MDN1: variants seen among roughly 807,000 people sequenced by gnomAD.
MDN1 encodes the protein midasin.
In MDN1, 266 loss-of-function variants were observed where a neutral mutation model predicts 669.2. The observed-to-expected ratio is 0.40, with a 90% CI of 0.36 to 0.44. MDN1 has a LOEUF of 0.44. MDN1 is among the 20% of genes least tolerant of loss of function. The pLI is 1.00. For missense variants in MDN1, 5,940 were observed against 6,754.0 expected (o/e 0.88, Z 4.22); for synonymous variants, 2,385 against 2,457.1 (o/e 0.97, Z 0.87).
At chr6:89,722,169 C>T (rs1814872209) in intron 40 of MDN1, among the ~76,000 whole-genome samples, 1 of 152,180 alleles carries the variant, frequency 6.6e-6, no homozygotes, top group African/African-American at 2.4e-5. Context: ...ATTACAATTC[C>T]TTACAGTGGG....
chr6:89,698,066 T>C (rs1216788819), intron 59 of MDN1, among the ~76,000 whole-genome samples: 1 of 152,164 alleles, frequency 6.6e-6, no homozygotes, highest in Non-Finnish European at 1.5e-5. Flanking sequence ...AGCAAGCAGA[T>C]GAACAGGTCC....
In MDN1 at chr6:89,793,950, A is replaced by G; in HGVS notation, c.667T>C (p.Leu223=). Residue 223 remains leucine, a synonymous_variant, in exon 5 of 102, where the codon TTA becomes CTA. Transcript: ENST00000369393. ...AAGTCCTGCAACTGGGCCTCTTCTA[A>G]TAACCTGAGAGAAAGGAGAGTCTCG... The part of the protein sequence containing the change: ...DELIHFRLRL[L]EEAQLQDLEK... 1 of 1,611,512 alleles carries G rather than the reference A, an allele frequency of 6.2e-7. No homozygotes were observed. Among genetic ancestry groups the G allele is most frequent in the South Asian group, 1.1e-5 (1 of 90,946 alleles).
chr6:89,712,690 C>A lies in MDN1; in HGVS notation c.7315G>T (p.Val2439Leu), dbSNP rs746182110. 6.2e-6 allele frequency: 10 copies of A among 1,614,078 alleles called. No individual in the cohort carries two copies. The highest frequency in any genetic ancestry group is 1.6e-4 in the Middle Eastern group (1 of 6,062). Residue 2439 changes from valine to leucine, a missense_variant, in exon 48 of 102, where the codon GTG (valine) becomes TTG (leucine). Val to Leu is a conservative substitution (Grantham distance 32, BLOSUM62 1). Coordinates refer to ENST00000369393, the MANE Select transcript of MDN1 (RefSeq NM_014611.3). ...TCAGTAGCAAAGAGAGCTGAGGGCA[C>A]AGAATCTGGCCACAGTCCCATGCCA... ...ILGMGLWPDS[V>L]PSALFATEDS...
At chr6:89,697,228 G>A (rs934779779) in intron 59 of MDN1, among the ~76,000 whole-genome samples, 8 of 152,272 alleles carry the variant, frequency 5.3e-5, no homozygotes, top group East Asian at 1.9e-4. Context: ...TTATTACATC[G>A]CTTTTGGATC....
At chr6:89,808,925 A>G (rs777792524) in intron 1 of MDN1, among the ~76,000 whole-genome samples, 1 of 152,180 alleles carries the variant, frequency 6.6e-6, no homozygotes, top group Admixed American at 6.5e-5. Flanking sequence ...GAACAAAAGT[A>G]TATGTATTTG....
At position 89,740,010 on chromosome 6, in the gene MDN1, C is replaced by T. The variant is rs117117745; in HGVS notation, c.4593+224G>A. Among the ~76,000 whole-genome samples the T allele has an allele frequency of 5.9e-5, 9 of 152,328 alleles. No individual in the cohort carries two copies. The East Asian group carries it at 1.5e-3, about 26-fold the overall frequency. On this transcript the variant is annotated intron_variant, in intron 32 of 101. Transcript: ENST00000369393. ...CTAGGCAAAGTGACTGTAACAATGACATTTCAGGCACATACACAAAGTGAG... is the reference window on the plus strand; with the variant it reads ...CTAGGCAAAGTGACTGTAACAATGATATTTCAGGCACATACACAAAGTGAG...
At chr6:89,660,985 C>G (rs1310153978) in intron 88 of MDN1, among the ~76,000 whole-genome samples, 4 of 152,184 alleles carry the variant, frequency 2.6e-5, no homozygotes, top group Non-Finnish European at 5.9e-5. Context: ...TGCGATTTCT[C>G]TTGGGATTAT....
rs199615065 is a variant in MDN1, at chr6:89,673,305, C to T, written c.13405G>A (p.Glu4469Lys). 42 of 1,614,174 alleles carry T rather than the reference C, an allele frequency of 2.6e-5. No homozygotes were observed. The East Asian group carries it at 9.4e-4, about 36-fold the overall frequency. The change falls in exon 80 of 102, where the codon GAA (glutamate) becomes AAA (lysine). Residue 4469 changes from glutamate (E) to lysine (K), a missense_variant. By Grantham distance (56) the Glu-to-Lys change is moderately conservative (BLOSUM62 1). This residue lies in a region of MDN1 where 2,280 missense variants were observed against 2,576.3 expected (regional missense o/e 0.88). Coordinates refer to ENST00000369393, the MANE Select transcript of MDN1 (RefSeq NM_014611.3). ...AAGTCAGCCATGGCTTTACTAATTT[C>T]TCCTCTTACATATTCCAGACTTTCA... ...LVESLEYVRGEISKAMADFTT... is the reference protein window; with the variant it reads ...LVESLEYVRGKISKAMADFTT...
chr6:89,813,101 C>T (rs975140401), intron 1 of MDN1, among the ~76,000 whole-genome samples: 4 of 152,158 alleles, frequency 2.6e-5, no homozygotes, highest in Non-Finnish European at 5.9e-5. Context: ...CCACCACGCC[C>T]GGCTAATTTC....
chr6:89,802,777 A>G (rs979529563), intron 2 of MDN1, among the ~76,000 whole-genome samples: 2 of 152,162 alleles, frequency 1.3e-5, no homozygotes, highest in African/African-American at 4.8e-5. Context: ...AATCTTTTCA[A>G]TTTAAAAACC....
chr6:89,690,837 GAA>G lies in MDN1; in HGVS notation c.10588-5_10588-4del. The G allele has an allele frequency of 6.2e-7, 1 of 1,613,582 alleles. No homozygotes were observed. The highest frequency in any genetic ancestry group is 8.5e-7 in the Non-Finnish European group (1 of 1,179,802). On this transcript the variant is annotated splice_polypyrimidine_tract_variant and splice_region_variant and intron_variant, in intron 63 of 101. Transcript: ENST00000369393. ...TCATCCCACTCACTGATGATTTCCTGAAAGTCACACAGACAGAAAGAAGCTGA... is the reference window on the plus strand; with the variant it reads ...TCATCCCACTCACTGATGATTTCCTGAGTCACACAGACAGAAAGAAGCTGA...
rs552967003 is a variant in MDN1, at chr6:89,689,986, C to T, written c.10907G>A (p.Arg3636Gln). Residue 3636 changes from arginine to glutamine, a missense_variant, in exon 65 of 102, where the codon CGA (arginine) becomes CAA (glutamine). By Grantham distance (43) the Arg-to-Gln change is conservative. This residue lies in a region of MDN1 where 2,280 missense variants were observed against 2,576.3 expected (regional missense o/e 0.88). Coordinates refer to ENST00000369393, the MANE Select transcript of MDN1 (RefSeq NM_014611.3). ...IHQQLCLNFA[R>Q]SLWYQQTLPP... ...CAGAGTCTGTTGATACCAGAGGGAT[C>T]GAGCAAAGTTGAGACACAATTGCTG... 5.6e-6 allele frequency: 9 copies of T among 1,614,164 alleles called. No homozygotes were observed. In the Admixed American group the frequency reaches 6.7e-5, roughly 12 times the overall value.
intron 29 of MDN1, among the ~76,000 whole-genome samples, chr6:89,744,697 C>G (rs1200628392): frequency 1.3e-5 from 2 of 151,976 alleles, no homozygotes; most frequent in Non-Finnish European, 2.9e-5. Context: ...ACCACCACAA[C>G]CAGCTGAGAC....
intron 91 of MDN1, among the ~76,000 whole-genome samples, chr6:89,656,430 G>C (rs1809305724): frequency 6.6e-6 from 1 of 152,034 alleles, no homozygotes. Context: ...GTTTGTGCTG[G>C]GCAGCCGCAC....
chr6:89,756,489 A>G (rs1817252871), intron 19 of MDN1, 99 bp from the exon 20 acceptor site: 1 of 596,468 alleles, frequency 1.7e-6, no homozygotes, highest in Non-Finnish European at 2.9e-6. Context: ...AGCTCATTTT[A>G]ACTGCTTGTA....
intron 60 of MDN1, 76 bp from the exon 61 acceptor site, chr6:89,696,068 C>G: frequency 6.7e-7 from 1 of 1,496,754 alleles, no homozygotes; most frequent in African/African-American, 1.4e-5. Context: ...GTATAATTCT[C>G]TCAAGAAATG....
At chr6:89,808,700 G>A (rs936634885) in intron 1 of MDN1, among the ~76,000 whole-genome samples, 1 of 152,046 alleles carries the variant, frequency 6.6e-6, no homozygotes, top group Non-Finnish European at 1.5e-5. Flanking sequence ...GACCACCACT[G>A]CTGAACTTCG....
chr6:89,783,835 G>C (rs1308311440), intron 9 of MDN1, among the ~76,000 whole-genome samples: 1 of 152,016 alleles, frequency 6.6e-6, no homozygotes. Flanking sequence ...TTGTAATATT[G>C]GGGGTGGGTT....
Position 89,718,974 on chromosome 6 carries a change from G to A in MDN1, c.6114C>T (p.Pro2038=), listed in dbSNP as rs1814621614. ...GSCVPHPSRH[P]LLLLHQSFQP... ...GGAATGACTGGTGCAGGAGCAACAGGGGATGGCGGGACGGGTGAGGAACAC... is the reference window on the plus strand; with the variant it reads ...GGAATGACTGGTGCAGGAGCAACAGAGGATGGCGGGACGGGTGAGGAACAC... The change falls in exon 42 of 102, where the codon CCC becomes CCT. Residue 2038 remains proline, a synonymous_variant. Transcript: ENST00000369393. 6.2e-7 allele frequency: 1 copy of A among 1,614,190 alleles called. No individual in the cohort carries two copies. Among genetic ancestry groups the A allele is most frequent in the Non-Finnish European group, 8.5e-7 (1 of 1,180,020 alleles).
Sources: gnomAD v4.1 joint callset for allele counts (sites outside exome capture counted in the v4.1 genomes callset) on GRCh38, gnomAD v4.1.1 for gene constraint, gnomAD v4.1.1 regional missense constraint, MANE v1.5 for transcripts, NCBI Gene and HGNC (gene_info 2026-07-23, HGNC 2026-07-21) for gene names.